DAPK1: variants seen among roughly 807,000 people sequenced by gnomAD.
DAPK1 encodes death associated protein kinase 1, also known as death-associated protein kinase 1.
Under a neutral mutation model 144.9 loss-of-function variants are expected in DAPK1, and 56 were observed. The observed-to-expected ratio is 0.39, with a 90% CI of 0.31 to 0.48. The LOEUF (loss-of-function observed/expected upper bound fraction) is 0.48, where lower values mean the gene tolerates loss of function less well. Ranked by LOEUF, DAPK1 falls within the 20% of genes least tolerant of loss-of-function variation. The pLI is 0.95. For synonymous variants in DAPK1, 690 were observed against 749.0 expected, an observed-to-expected ratio of 0.92 and a Z score of 1.29; for missense variants, 1,454 against 1,875.4, an observed-to-expected ratio of 0.78 and a Z score of 4.15.
intron 3 of DAPK1, among the ~76,000 whole-genome samples, chr9:87,627,863 G>A (rs34845520): frequency 5.9e-5 from 9 of 152,180 alleles, no homozygotes; most frequent in Non-Finnish European, 1.0e-4. Context: ...TTGCTGCGGG[G>A]AATATTGCAC....
chr9:87,640,255 G>C, intron 7 of DAPK1, 43 bp from the exon 8 acceptor site: 1 of 1,584,378 alleles, frequency 6.3e-7, no homozygotes, highest in East Asian at 2.2e-5. Context: ...ACAACACCAA[G>C]GGGTCATCAT....
intron 2 of DAPK1, among the ~76,000 whole-genome samples, chr9:87,529,640 G>T (rs1221304317): frequency 1.3e-5 from 2 of 152,200 alleles, no homozygotes; most frequent in Non-Finnish European, 1.5e-5. Context: ...TGGAGGGAAG[G>T]CCCAGGTTGC....
At chr9:87,515,176 A>T (rs1373426846) in intron 2 of DAPK1, among the ~76,000 whole-genome samples, 1 of 152,204 alleles carries the variant, frequency 6.6e-6, no homozygotes, top group Non-Finnish European at 1.5e-5. Flanking sequence ...CAGACATTTT[A>T]TGTAAAGATA....
intron 3 of DAPK1, chr9:87,632,921 T>TATATAA (rs1256164754): frequency 2.2e-6 from 2 of 899,792 alleles, no homozygotes; most frequent in African/African-American, 4.1e-5. Context: ...TATATATATA[T>TATATAA]AAATGAAGGG....
chr9:87,538,552 G>A (rs1269005646), intron 2 of DAPK1, among the ~76,000 whole-genome samples: 4 of 152,026 alleles, frequency 2.6e-5, no homozygotes, highest in African/African-American at 7.3e-5. Context: ...TCAACAACAC[G>A]GTTCATTTGT....
intron 2 of DAPK1, among the ~76,000 whole-genome samples, chr9:87,547,115 C>T (rs1826278194): frequency 6.6e-6 from 1 of 152,152 alleles, no homozygotes; most frequent in South Asian, 2.1e-4. Context: ...CAAGAGCAGA[C>T]CACTGCACCC....
chr9:87,510,118 A>G (rs1824776255), intron 2 of DAPK1, among the ~76,000 whole-genome samples: 3 of 152,134 alleles, frequency 2.0e-5, no homozygotes, highest in African/African-American at 4.8e-5. Flanking sequence ...CACAAGTGGA[A>G]TATCTACAGG....
chr9:87,511,445 G>A (rs183866509), intron 2 of DAPK1, among the ~76,000 whole-genome samples: 7 of 152,300 alleles, frequency 4.6e-5, no homozygotes, highest in Admixed American at 2.6e-4. Context: ...TTCATGTTAA[G>A]GAGGATCTGT....
chr9:87,528,099 G>A (rs112686614), intron 2 of DAPK1, among the ~76,000 whole-genome samples: 1,675 of 152,356 alleles, frequency 0.011, 22 homozygotes, highest in Non-Finnish European at 0.018. Flanking sequence ...TGAGAGAGCA[G>A]CATACTTTAA....
At chr9:87,558,600 C>G (rs767289562) in intron 2 of DAPK1, among the ~76,000 whole-genome samples, 1 of 152,186 alleles carries the variant, frequency 6.6e-6, no homozygotes, top group Non-Finnish European at 1.5e-5. Context: ...CGAACAATTC[C>G]TCGATACTAG....
intron 2 of DAPK1, among the ~76,000 whole-genome samples, chr9:87,519,934 T>C (rs917143665): frequency 6.6e-6 from 1 of 151,920 alleles, no homozygotes; most frequent in Non-Finnish European, 1.5e-5. Flanking sequence ...AGGCTGTCAC[T>C]GTGGGTGCCT....
chr9:87,701,607 C>G (rs917387682), intron 24 of DAPK1, among the ~76,000 whole-genome samples: 2 of 152,078 alleles, frequency 1.3e-5, no homozygotes. Flanking sequence ...GGCGAGCGTC[C>G]CAGTGGAGAA....
intron 3 of DAPK1, among the ~76,000 whole-genome samples, chr9:87,627,860 G>A (rs756341647): frequency 1.4e-4 from 22 of 152,168 alleles, no homozygotes; most frequent in Non-Finnish European, 2.4e-4. Flanking sequence ...GGATTGCTGC[G>A]GGGAATATTG....
intron 20 of DAPK1, among the ~76,000 whole-genome samples, chr9:87,682,254 G>C (rs1824660482): frequency 6.6e-6 from 1 of 152,180 alleles, no homozygotes; most frequent in African/African-American, 2.4e-5. Flanking sequence ...GCCTTCCACA[G>C]ACAGGGTTAT....
At chr9:87,613,538 A>T (rs186492746) in intron 3 of DAPK1, among the ~76,000 whole-genome samples, 1 of 152,374 alleles carries the variant, frequency 6.6e-6, no homozygotes, top group Admixed American at 6.5e-5. Flanking sequence ...TAATCAGAAT[A>T]CAAATACAAC....
intron 2 of DAPK1, among the ~76,000 whole-genome samples, chr9:87,523,589 C>T (rs890818011): frequency 2.6e-5 from 4 of 152,170 alleles, no homozygotes; most frequent in South Asian, 2.1e-4. Flanking sequence ...TGTGAGCCAC[C>T]GTGCCCAGCC....
chr9:87,513,373 T>A (rs1360963989), intron 2 of DAPK1, among the ~76,000 whole-genome samples: 1 of 152,130 alleles, frequency 6.6e-6, no homozygotes, highest in Non-Finnish European at 1.5e-5. Flanking sequence ...TTTTTTGGAG[T>A]TCAGCCAAGG....
At chr9:87,682,714 T>C (rs1824683701) in intron 20 of DAPK1, among the ~76,000 whole-genome samples, 2 of 152,236 alleles carry the variant, frequency 1.3e-5, no homozygotes, top group Non-Finnish European at 2.9e-5. Flanking sequence ...TAGAGTACTG[T>C]GTGCCAGGAA....
chr9:87,669,766 G>T (rs973198081), intron 19 of DAPK1, among the ~76,000 whole-genome samples: 10 of 151,784 alleles, frequency 6.6e-5, no homozygotes, highest in Admixed American at 4.6e-4. Context: ...CCAGGGGCAG[G>T]GGGGGGCCAC....
Sources: allele counts gnomAD v4.1 joint callset (sites outside exome capture counted in the v4.1 genomes callset), GRCh38; gene constraint gnomAD v4.1.1; transcripts MANE v1.5; gene names NCBI Gene and HGNC (gene_info 2026-07-23, HGNC 2026-07-21).